The following UBR4 variants were observed in gnomAD, a reference collection of about 807,000 sequenced individuals.
The protein encoded by UBR4 is E3 ubiquitin-protein ligase UBR4.
Under a neutral mutation model 575.6 loss-of-function variants are expected in UBR4, and 124 were observed. The observed-to-expected ratio is 0.22, with a 90% CI of 0.19 to 0.25. The LOEUF (loss-of-function observed/expected upper bound fraction) is 0.25, where lower values mean the gene tolerates loss of function less well. Ranked by LOEUF, UBR4 falls within the 10% of genes least tolerant of loss-of-function variation. The probability of loss-of-function intolerance (pLI) is 1.00; values close to 1 mark genes in which losing one functional copy is unlikely to be tolerated. For synonymous variants in UBR4, 2,455 were observed against 2,473.7 expected, an observed-to-expected ratio of 0.99 and a Z score of 0.22; for missense variants, 4,818 against 6,478.8, an observed-to-expected ratio of 0.74 and a Z score of 8.80.
At chr1:19,086,331 TGGGCGGGGGGGCGG>T in intron 100 of UBR4, 61 bp from the exon 101 acceptor site, 1 of 24,150 alleles carries the variant, frequency 4.1e-5, no homozygotes, top group Non-Finnish European at 6.9e-5. Context: ...ACCAGGCACC[TGGGCGGGGGGGCGG>T]GGGTGGGGGT....
At chr1:19,090,666 C>G (rs1330385431) in intron 97 of UBR4, among the ~76,000 whole-genome samples, 1 of 152,180 alleles carries the variant, frequency 6.6e-6, no homozygotes, top group Non-Finnish European at 1.5e-5. Flanking sequence ...CGACAGCTGT[C>G]TCCTCAGTCT....
intron 62 of UBR4, 122 bp downstream of exon 62, chr1:19,128,089 G>T: frequency 1.1e-6 from 1 of 937,232 alleles, no homozygotes; most frequent in Non-Finnish European, 1.7e-6. Context: ...TCAACAGAAT[G>T]CAGCCCTCAG....
At position 19,110,414 on chromosome 1, in the gene UBR4, C is replaced by T. The variant is rs142523307; in HGVS notation, c.11943G>A (p.Lys3981=). 11 of 1,614,036 alleles carry T rather than the reference C, an allele frequency of 6.8e-6. No homozygotes were observed. The highest frequency in any genetic ancestry group is 1.1e-5 in the South Asian group (1 of 91,090). The change falls in exon 80 of 106, where the codon AAG becomes AAA. Residue 3981 remains lysine (K), a synonymous_variant. Coordinates refer to ENST00000375254, the MANE Select transcript of UBR4 (RefSeq NM_020765.3). This position sits in a 1 kb window ranked among gnomAD's most constrained non-coding sequence, Gnocchi z 4.5. Reference sequence around the variant, plus strand: ...ACCGGAGCTCCCAGCAGCTGTCCTCCTTGGAGATAGAATCCGTCAGCAGCA... The same window carrying T: ...ACCGGAGCTCCCAGCAGCTGTCCTCTTTGGAGATAGAATCCGTCAGCAGCA... ...EMLLLTDSIS[K]EDSCWELRLR... is the part of the protein sequence containing the mutation.
intron 48 of UBR4, chr1:19,151,012 C>T: frequency 1.7e-6 from 1 of 586,498 alleles, no homozygotes; most frequent in South Asian, 2.0e-5. Flanking sequence ...ACGTCTCCTA[C>T]TCAGAAGAGT....
intron 1 of UBR4, among the ~76,000 whole-genome samples, chr1:19,205,537 C>T (rs1408923282): frequency 1.3e-5 from 2 of 152,058 alleles, no homozygotes; most frequent in Non-Finnish European, 2.9e-5. Flanking sequence ...CAGATACTTC[C>T]CTCATACTCT....
At chr1:19,076,639 C>A in intron 105 of UBR4, 101 bp downstream of exon 105, 2 of 1,516,538 alleles carry the variant, frequency 1.3e-6, no homozygotes, top group East Asian at 2.3e-5. Flanking sequence ...GTTCATACTG[C>A]GTTTCCTCTG....
chr1:19,169,438 G>A lies in UBR4; in HGVS notation c.3738C>T (p.Ser1246=). ...INTNEFPNIG[S]WRNAFANDTI... ...CCTGGAACAGATAGGGACTCACCCA[G>A]GATCCAATATTGGGAAATTCATTGG... The change falls in exon 27 of 106, where the codon TCC becomes TCT. Residue 1246 remains serine, a synonymous_variant. Transcript: ENST00000375254. The A allele has an allele frequency of 6.2e-6, 10 of 1,613,046 alleles. No individual in the cohort carries two copies. The highest frequency in any genetic ancestry group is 8.5e-6 in the Non-Finnish European group (10 of 1,179,518).
intron 12 of UBR4, 52 bp downstream of exon 12, chr1:19,187,389 G>C: frequency 1.2e-6 from 2 of 1,612,154 alleles, no homozygotes; most frequent in East Asian, 4.5e-5. Context: ...TGCTTGGCCA[G>C]AAGTGGATCC....
intron 53 of UBR4, among the ~76,000 whole-genome samples, chr1:19,145,508 G>GACACACACACACACACACAC (rs555050832): frequency 0.014 from 1,987 of 145,040 alleles, 32 homozygotes; most frequent in East Asian, 0.052. Flanking sequence ...AAACCACTGA[G>GACACACACACACACACACAC]ACACACACAC....
At chr1:19,143,721 T>A (rs1258512289) in intron 55 of UBR4, among the ~76,000 whole-genome samples, 1 of 152,236 alleles carries the variant, frequency 6.6e-6, no homozygotes, top group Non-Finnish European at 1.5e-5. Flanking sequence ...CTTTGTGATG[T>A]GAATTTTCTG....
intron 87 of UBR4, among the ~76,000 whole-genome samples, chr1:19,102,925 G>A (rs1217405614): frequency 6.6e-6 from 1 of 152,184 alleles, no homozygotes; most frequent in African/African-American, 2.4e-5. Flanking sequence ...CTGAAAACTT[G>A]TAATGAGCTG....
intron 103 of UBR4, chr1:19,080,051 T>C (rs1052713023): frequency 6.6e-6 from 1 of 152,222 alleles, no homozygotes. Flanking sequence ...TGGGTTCAGA[T>C]TGCACACCCG....
At chr1:19,172,148 A>G (rs2089646360) in intron 25 of UBR4, among the ~76,000 whole-genome samples, 1 of 152,252 alleles carries the variant, frequency 6.6e-6, no homozygotes, top group Non-Finnish European at 1.5e-5. Context: ...TGTTATAGAA[A>G]GAGTTGAATT....
At chr1:19,206,483 C>A (rs186637364) in intron 1 of UBR4, among the ~76,000 whole-genome samples, 132 of 152,172 alleles carry the variant, frequency 8.7e-4, no homozygotes, top group African/African-American at 3.1e-3. Flanking sequence ...TACAGGCGCG[C>A]GCCACCACGC....
At chr1:19,081,697 A>T in intron 102 of UBR4, 124 bp from the exon 103 acceptor site, 1 of 1,031,130 alleles carries the variant, frequency 9.7e-7, no homozygotes, top group South Asian at 1.3e-5. Flanking sequence ...GGATGACTCA[A>T]CACTCCCCAC....
In UBR4 at chr1:19,141,760, C is replaced by T. The variant is rs749442856; in HGVS notation, c.8197G>A (p.Asp2733Asn). 1.9e-6 allele frequency: 3 copies of T among 1,614,154 alleles called. No individual in the cohort carries two copies. Among genetic ancestry groups the T allele is most frequent in the Non-Finnish European group, 8.5e-7 (1 of 1,179,988 alleles). ...NTPMGDKDDD[D>N]DDDADEKMQS... ...ATTTTCTCATCTGCATCATCATCGTCATCATCATCCTTGTCTCCTGAGTCA... is the reference window on the plus strand; with the variant it reads ...ATTTTCTCATCTGCATCATCATCGTTATCATCATCCTTGTCTCCTGAGTCA... Residue 2733 changes from aspartate (D) to asparagine (N), a missense_variant, in exon 56 of 106, where the codon GAC (aspartate) becomes AAC (asparagine). Asp to Asn is a conservative substitution (Grantham distance 23). Around this residue, in one of 29 missense-constraint regions of UBR4, gnomAD observed 129 missense variants for 198.4 expected, o/e 0.65. Transcript: ENST00000375254.
chr1:19,177,725 C>T lies in UBR4; in HGVS notation c.2373G>A (p.Lys791=), dbSNP rs771580297. The T allele has an allele frequency of 5.0e-6, 8 of 1,613,314 alleles. No individual in the cohort carries two copies. In the South Asian group the frequency reaches 8.8e-5, roughly 18 times the overall value. The part of the protein sequence containing the change: ...KVWDRFLSTM[K]QNALQGVVPS... ...GCACCACACCTTGCAGGGCATTCTG[C>T]TTCATTGTAGACAAAAACCTACCAG... The change falls in exon 19 of 106, where the codon AAG becomes AAA. Residue 791 remains lysine (K), a synonymous_variant. Transcript: ENST00000375254.
chr1:19,151,460 T>C (rs765309231), intron 48 of UBR4, 183 bp downstream of exon 48: 4 of 673,508 alleles, frequency 5.9e-6, no homozygotes, highest in South Asian at 1.8e-5. Flanking sequence ...CATGCTCCGG[T>C]GTACTCCTTT....
chr1:19,149,577 C>G (rs1338229741), intron 49 of UBR4, among the ~76,000 whole-genome samples: 2 of 152,106 alleles, frequency 1.3e-5, no homozygotes, highest in African/African-American at 4.8e-5. Context: ...ACCAAGAGTG[C>G]ACTTACGATC....
Sources: gnomAD v4.1 joint callset for allele counts (sites outside exome capture counted in the v4.1 genomes callset) on GRCh38, gnomAD v4.1.1 for gene constraint, gnomAD v4.1.1 regional missense constraint, Gnocchi (gnomAD v3.1) non-coding constraint, MANE v1.5 for transcripts, NCBI Gene and HGNC (gene_info 2026-07-23, HGNC 2026-07-21) for gene names.